Variants in GRID1 observed in about 807,000 individuals in gnomAD.
The protein encoded by GRID1 is glutamate ionotropic receptor delta type subunit 1, also known as glutamate receptor ionotropic, delta-1.
A neutral mutation model predicts 98.0 loss-of-function variants in GRID1; 28 were observed. The observed-to-expected ratio is 0.29, with a 90% CI of 0.21 to 0.39. GRID1 has a LOEUF of 0.39. GRID1 is among the 10% of genes least tolerant of loss of function. GRID1 has a pLI of 1.00. For synonymous variants in GRID1, 553 were observed against 538.5 expected (o/e 1.03, Z -0.37); for missense variants, 1,111 against 1,340.5 (o/e 0.83, Z 2.67).
At chr10:86,339,618 G>C (rs780829086) in intron 2 of GRID1, among the ~76,000 whole-genome samples, 1 of 152,250 alleles carries the variant, frequency 6.6e-6, no homozygotes, top group Non-Finnish European at 1.5e-5. Context: ...CAGGCAGTGA[G>C]GAGGCCAGCT....
intron 12 of GRID1, among the ~76,000 whole-genome samples, chr10:85,683,195 T>C (rs554640923): frequency 2.9e-4 from 44 of 152,112 alleles, no homozygotes; most frequent in African/African-American, 1.1e-3. Flanking sequence ...TAGAGGCTTG[T>C]TATAGGCATG....
At chr10:85,645,883 C>T (rs555206528) in intron 13 of GRID1, 2 of 152,458 alleles carry the variant, frequency 1.3e-5, no homozygotes, top group African/African-American at 2.4e-5. Context: ...AGAGGCTGCA[C>T]TCTGCCTGAT....
chr10:86,071,275 G>A (rs1843800403), intron 4 of GRID1, among the ~76,000 whole-genome samples: 1 of 152,222 alleles, frequency 6.6e-6, no homozygotes, highest in Non-Finnish European at 1.5e-5. Flanking sequence ...AGATAGAGCA[G>A]ACCTGCTGCC....
intron 2 of GRID1, among the ~76,000 whole-genome samples, chr10:86,359,387 T>C (rs1457533745): frequency 6.6e-6 from 1 of 152,114 alleles, no homozygotes; most frequent in Non-Finnish European, 1.5e-5. Context: ...TAGATACCAG[T>C]GTGGCCAGTG....
Position 85,980,142 on chromosome 10 carries a change from G to C in GRID1, c.727-63903C>G, listed in dbSNP as rs182740203. ...TCCTTCCCCACCTGGGACTTACCTA[G>C]ACCTGATAACAATGAATTTCTCTTA... On this transcript the variant is annotated intron_variant, in intron 4 of 15. Coordinates refer to ENST00000327946, the MANE Select transcript of GRID1 (RefSeq NM_017551.3). 2.6e-5 allele frequency among the ~76,000 whole-genome samples: 4 copies of C among 152,296 alleles called. No homozygotes were observed. The East Asian group carries it at 7.7e-4, about 29-fold the overall frequency.
chr10:85,950,413 C>T (rs1183651614), intron 4 of GRID1, among the ~76,000 whole-genome samples: 1 of 152,038 alleles, frequency 6.6e-6, no homozygotes, highest in Non-Finnish European at 1.5e-5. Flanking sequence ...CAAATGTATC[C>T]CAGACTCTAG....
chr10:86,330,150 G>A (rs1021070475), intron 2 of GRID1, among the ~76,000 whole-genome samples: 4 of 151,984 alleles, frequency 2.6e-5, no homozygotes, highest in Admixed American at 6.6e-5. Context: ...TGTTTCCTCT[G>A]CATCCCCAGC....
Position 86,022,941 on chromosome 10 carries a change from A to C in GRID1, c.727-106702T>G, listed in dbSNP as rs150115046. Among the ~76,000 whole-genome samples the C allele has an allele frequency of 2.8e-3, 429 of 152,098 alleles. 4 individuals carry two copies. The highest frequency in any genetic ancestry group is 0.01 in the African/African-American group (416 of 41,494). ...TCAAAAAAAAAAAAAAAGATTAAAAAAATTCCTTTTTTAAGACCTGCAAGA... is the reference window on the plus strand; with the variant it reads ...TCAAAAAAAAAAAAAAAGATTAAAACAATTCCTTTTTTAAGACCTGCAAGA... On this transcript the variant is annotated intron_variant, in intron 4 of 15. Coordinates refer to ENST00000327946, the MANE Select transcript of GRID1 (RefSeq NM_017551.3).
chr10:85,739,079 T>TCA (rs1564575535), intron 8 of GRID1, among the ~76,000 whole-genome samples: 1 of 151,560 alleles, frequency 6.6e-6, no homozygotes, highest in Non-Finnish European at 1.5e-5. Flanking sequence ...TATAAAATCA[T>TCA]TATATATATA....
intron 3 of GRID1, among the ~76,000 whole-genome samples, chr10:86,152,520 C>T (rs758575772): frequency 1.3e-5 from 2 of 152,238 alleles, no homozygotes; most frequent in Non-Finnish European, 2.9e-5. Context: ...GCAGATGCTG[C>T]CTAGCTCTCA....
intron 4 of GRID1, among the ~76,000 whole-genome samples, chr10:86,029,390 CCATGTCTGAGCT>C (rs1187868389): frequency 1.3e-5 from 2 of 152,144 alleles, no homozygotes; most frequent in Admixed American, 1.3e-4. Flanking sequence ...GAATATGAAC[CCATGTCTGAGCT>C]CACCTTTAAG....
At chr10:85,812,203 C>A (rs1289802899) in intron 8 of GRID1, among the ~76,000 whole-genome samples, 1 of 151,980 alleles carries the variant, frequency 6.6e-6, no homozygotes. Context: ...TTAAGGGAGT[C>A]CTACATCTGG....
chr10:86,300,580 A>G lies in GRID1; in HGVS notation c.235+63361T>C, dbSNP rs1044513400. ...GGAGGGAAAAAACAAAATACCTGGAAAGAGCTTTTCCTTAAATAGAGTTCC... is the reference window on the plus strand; with the variant it reads ...GGAGGGAAAAAACAAAATACCTGGAGAGAGCTTTTCCTTAAATAGAGTTCC... On this transcript the variant is annotated intron_variant, in intron 2 of 15. Transcript: ENST00000327946. Among the ~76,000 whole-genome samples the G allele has an allele frequency of 6.9e-5, 10 of 143,896 alleles. No individual in the cohort carries two copies. The East Asian group carries it at 1.9e-3, about 27-fold the overall frequency. 94.4% of individuals were successfully genotyped at this position (143,896 alleles called of 152,430 possible).
chr10:86,331,993 A>C (rs1007046893), intron 2 of GRID1, among the ~76,000 whole-genome samples: 1 of 152,204 alleles, frequency 6.6e-6, no homozygotes, highest in Admixed American at 6.5e-5. Flanking sequence ...AGAAACCGAC[A>C]GTCAGGACAG....
chr10:86,342,225 C>T (rs1246787892), intron 2 of GRID1, among the ~76,000 whole-genome samples: 1 of 152,148 alleles, frequency 6.6e-6, no homozygotes, highest in Non-Finnish European at 1.5e-5. Flanking sequence ...AGGCAGGTCA[C>T]ACGGCCCTCA....
intron 4 of GRID1, among the ~76,000 whole-genome samples, chr10:85,920,087 T>A (rs1841681490): frequency 2.0e-5 from 3 of 152,132 alleles, no homozygotes; most frequent in Admixed American, 6.5e-5. Context: ...CAGAGTGTGA[T>A]CTCAGCTTTT....
intron 12 of GRID1, among the ~76,000 whole-genome samples, chr10:85,688,250 T>C (rs1037098993): frequency 6.6e-6 from 1 of 152,160 alleles, no homozygotes; most frequent in Non-Finnish European, 1.5e-5. Context: ...TTGCCTTTGG[T>C]GTCTACTGCA....
chr10:85,795,223 T>A (rs1842515716), intron 8 of GRID1, among the ~76,000 whole-genome samples: 1 of 152,166 alleles, frequency 6.6e-6, no homozygotes, highest in African/African-American at 2.4e-5. Context: ...TCTTTGCTTG[T>A]TCTTGAAATT....
intron 5 of GRID1, among the ~76,000 whole-genome samples, chr10:85,876,432 G>A (rs1343698046): frequency 6.6e-6 from 1 of 151,964 alleles, no homozygotes; most frequent in South Asian, 2.1e-4. Flanking sequence ...TAAAGATGCT[G>A]GGATTGCATT....
Sources: gnomAD v4.1 joint callset for allele counts (sites outside exome capture counted in the v4.1 genomes callset) on GRCh38, gnomAD v4.1.1 for gene constraint, MANE v1.5 for transcripts, NCBI Gene and HGNC (gene_info 2026-07-23, HGNC 2026-07-21) for gene names.